The following ANKRD17 variants were observed in gnomAD, a reference collection of about 807,000 sequenced individuals.
ANKRD17 encodes the protein ankyrin repeat domain-containing protein 17.
Under a neutral mutation model 229.7 loss-of-function variants are expected in ANKRD17, and 19 were observed. The ratio of observed to expected loss-of-function variants is 0.08; its 90% CI spans 0.06 to 0.12. The LOEUF (loss-of-function observed/expected upper bound fraction) is 0.12, where lower values mean the gene tolerates loss of function less well. Ranked by LOEUF, ANKRD17 falls within the 10% of genes least tolerant of loss-of-function variation. The probability of loss-of-function intolerance (pLI) is 1.00; values close to 1 mark genes in which losing one functional copy is unlikely to be tolerated. For missense variants in ANKRD17, 2,176 were observed against 3,176.8 expected, an observed-to-expected ratio of 0.68 and a Z score of 7.57; for synonymous variants, 1,112 against 1,146.1, an observed-to-expected ratio of 0.97 and a Z score of 0.60.
intron 1 of ANKRD17, among the ~76,000 whole-genome samples, chr4:73,224,729 A>C (rs1159512909): frequency 6.6e-6 from 1 of 152,158 alleles, no homozygotes; most frequent in Non-Finnish European, 1.5e-5. Flanking sequence ...TCCCCATTTT[A>C]CGTATGTGGA....
chr4:73,223,021 C>G (rs1370999509), intron 1 of ANKRD17: 2 of 1,536,032 alleles, frequency 1.3e-6, no homozygotes, highest in African/African-American at 2.7e-5. Flanking sequence ...GCCGCTGTCT[C>G]CACCATGTTT....
intron 6 of ANKRD17, 39 bp downstream of exon 6, chr4:73,153,841 T>TA: frequency 7.7e-7 from 1 of 1,291,064 alleles, no homozygotes; most frequent in Non-Finnish European, 1.0e-6. Flanking sequence ...TAATTTCACA[T>TA]ATTTAAAAAC....
At chr4:73,248,080 A>G (rs539537734) in intron 1 of ANKRD17, among the ~76,000 whole-genome samples, 97 of 152,018 alleles carry the variant, frequency 6.4e-4, no homozygotes, top group Non-Finnish European at 1.1e-3. Context: ...ATATTTTAAC[A>G]TATCTCCACC....
At chr4:73,192,715 C>T (rs182320646) in intron 1 of ANKRD17, among the ~76,000 whole-genome samples, 13 of 152,226 alleles carry the variant, frequency 8.5e-5, no homozygotes, top group Admixed American at 3.9e-4. Flanking sequence ...TTTGTATTGT[C>T]TTGAGATATA....
chr4:73,152,364 C>G (rs1351091963), intron 6 of ANKRD17, among the ~76,000 whole-genome samples: 1 of 152,040 alleles, frequency 6.6e-6, no homozygotes, highest in African/African-American at 2.4e-5. Context: ...CCTACCATCC[C>G]TTTTCCTCTC....
At chr4:73,168,433 TTTGA>T in intron 2 of ANKRD17, among the ~76,000 whole-genome samples, 1 of 148,834 alleles carries the variant, frequency 6.7e-6, no homozygotes, top group South Asian at 2.1e-4. Flanking sequence ...GTGCTAAATA[TTTGA>T]TTGTGTGTGT....
chr4:73,158,619 T>C (rs1732094073), intron 3 of ANKRD17, among the ~76,000 whole-genome samples: 1 of 152,318 alleles, frequency 6.6e-6, no homozygotes, highest in African/African-American at 2.4e-5. Context: ...CCAAAACTCA[T>C]GTGAAATTTA....
intron 1 of ANKRD17, among the ~76,000 whole-genome samples, chr4:73,184,565 T>C (rs1010061913): frequency 6.8e-5 from 9 of 132,996 alleles, no homozygotes; most frequent in Non-Finnish European, 1.1e-4. Context: ...AAAAGAAAAC[T>C]AGTATATTTT....
chr4:73,175,356 C>T (rs1457618590), intron 2 of ANKRD17, among the ~76,000 whole-genome samples: 2 of 152,154 alleles, frequency 1.3e-5, no homozygotes, highest in African/African-American at 2.4e-5. Flanking sequence ...ATGATCCAAT[C>T]ACCTCCCACT....
intron 1 of ANKRD17, among the ~76,000 whole-genome samples, chr4:73,212,519 T>TA (rs1166715970): frequency 6.6e-6 from 1 of 152,140 alleles, no homozygotes; most frequent in East Asian, 1.9e-4. Context: ...AGCATATTTC[T>TA]ATCTAGAGCT....
intron 1 of ANKRD17, among the ~76,000 whole-genome samples, chr4:73,241,849 A>G (rs563819352): frequency 6.6e-6 from 1 of 152,286 alleles, no homozygotes; most frequent in African/African-American, 2.4e-5. Flanking sequence ...TCAAAACACA[A>G]TTAAAATTAG....
intron 1 of ANKRD17, among the ~76,000 whole-genome samples, chr4:73,215,784 A>G (rs1740945682): frequency 6.6e-6 from 1 of 152,246 alleles, no homozygotes; most frequent in African/African-American, 2.4e-5. Flanking sequence ...GTTTTAAAGA[A>G]GATTATCCAC....
intron 13 of ANKRD17, among the ~76,000 whole-genome samples, 155 bp from the exon 14 acceptor site, chr4:73,141,998 T>C (rs1343093106): frequency 6.6e-6 from 1 of 152,224 alleles, no homozygotes; most frequent in African/African-American, 2.4e-5. Context: ...GGCACCAAAT[T>C]GTTTACCACG....
chr4:73,098,586 A>C lies in ANKRD17; in HGVS notation c.4574-66T>G. 3.4e-6 allele frequency: 5 copies of C among 1,457,682 alleles called. No individual in the cohort carries two copies. In the South Asian group the frequency reaches 6.6e-5, roughly 19 times the overall value. The allele number at this position is 1,457,682 out of a possible 1,614,324, so 90.3% of individuals were successfully genotyped here. ...TCCCAGAATGTATTTAGCTATAAGC[A>C]CTTGAAGAAAAGAAAAACCCAGGAG... is the stretch of plus-strand genomic sequence containing the variant. On this transcript the variant is annotated intron_variant, in intron 25 of 33. Coordinates refer to ENST00000358602, the MANE Select transcript of ANKRD17 (RefSeq NM_032217.5).
chr4:73,096,283 T>G (rs1723292316), intron 27 of ANKRD17, among the ~76,000 whole-genome samples: 1 of 152,176 alleles, frequency 6.6e-6, no homozygotes, highest in Non-Finnish European at 1.5e-5. Flanking sequence ...AAAACCAAAT[T>G]ATCTTATTAG....
intron 24 of ANKRD17, 30 bp from the exon 25 acceptor site, chr4:73,102,577 A>G: frequency 6.3e-7 from 1 of 1,578,436 alleles, no homozygotes; most frequent in African/African-American, 1.4e-5. Flanking sequence ...CAGAAATATA[A>G]CGTTGAAATT....
chr4:73,122,813 A>G (rs1726926604), intron 18 of ANKRD17, among the ~76,000 whole-genome samples: 2 of 152,244 alleles, frequency 1.3e-5, no homozygotes, highest in East Asian at 3.9e-4. Flanking sequence ...ATATAGCGTT[A>G]GGCTATTTTA....
At position 73,084,451 on chromosome 4, in the gene ANKRD17, A is replaced by ATTT. The variant is rs35710035; in HGVS notation, c.7159+795_7159+797dup. ...CTGTTGTGTTGTTAATGCAGATGAG[A>ATTT]TTTTTTTTTTTTTTTGAGATGAAGT... On this transcript the variant is annotated intron_variant, in intron 30 of 33. Transcript: ENST00000358602. Among the ~76,000 whole-genome samples the ATTT allele has an allele frequency of 1.4e-3, 210 of 144,980 alleles. 2 individuals are homozygous for ATTT. The highest frequency in any genetic ancestry group is 1.6e-3 in the African/African-American group (63 of 39,526).
chr4:73,162,665 G>C (rs1251021065), intron 2 of ANKRD17, among the ~76,000 whole-genome samples: 2 of 151,566 alleles, frequency 1.3e-5, no homozygotes, highest in Non-Finnish European at 2.9e-5. Context: ...AAACCATTCA[G>C]AACTGCAAAA....
Sources: gnomAD v4.1 joint callset for allele counts (sites outside exome capture counted in the v4.1 genomes callset) on GRCh38, gnomAD v4.1.1 for gene constraint, MANE v1.5 for transcripts, NCBI Gene and HGNC (gene_info 2026-07-23, HGNC 2026-07-21) for gene names.